GPHN: variants seen among roughly 807,000 people sequenced by gnomAD.
The protein encoded by GPHN is gephyrin.
GPHN carries 17 observed loss-of-function variants against 95.5 expected under a neutral mutation model. The ratio of observed to expected loss-of-function variants is 0.18; its 90% CI spans 0.12 to 0.27. The LOEUF (loss-of-function observed/expected upper bound fraction) is 0.27, where lower values mean the gene tolerates loss of function less well. Among genes scored for constraint, GPHN ranks in the 10% least tolerant of loss-of-function variants. The pLI, the probability that GPHN is intolerant of heterozygous loss-of-function variation, is 1.00. For missense variants in GPHN, 660 were observed against 978.1 expected, an observed-to-expected ratio of 0.67 and a Z score of 4.34; for synonymous variants, 320 against 322.5, an observed-to-expected ratio of 0.99 and a Z score of 0.08.
intron 3 of GPHN, among the ~76,000 whole-genome samples, chr14:66,779,305 T>C (rs2059518879): frequency 6.6e-6 from 1 of 152,180 alleles, no homozygotes; most frequent in Admixed American, 6.5e-5. Flanking sequence ...ATTTTTCATA[T>C]GAGGAAATTG....
chr14:67,408,430 G>C, the GPHN span, among the ~76,000 whole-genome samples: 2 of 152,114 alleles, frequency 1.3e-5, no homozygotes, highest in Non-Finnish European at 2.9e-5. Context: ...ATACACTGAA[G>C]TCCTAACCTC....
At chr14:66,713,634 T>C (rs2069881577) in intron 2 of GPHN, among the ~76,000 whole-genome samples, 1 of 152,208 alleles carries the variant, frequency 6.6e-6, no homozygotes, top group Non-Finnish European at 1.5e-5. Flanking sequence ...TGGTTTCATA[T>C]GAATGTTAGA....
chr14:67,388,215 G>C, the GPHN span: 38 of 1,599,920 alleles, frequency 2.4e-5, no homozygotes, highest in African/African-American at 4.3e-4. Flanking sequence ...GGCTGAAGTT[G>C]TACCTTACCA....
the GPHN span, among the ~76,000 whole-genome samples, chr14:67,611,433 T>C: frequency 2.0e-5 from 3 of 151,830 alleles, no homozygotes; most frequent in Admixed American, 2.0e-4. Flanking sequence ...TTTTGGTTTT[T>C]TTTTTGTATT....
chr14:66,915,817 C>T (rs2065869069), intron 5 of GPHN, among the ~76,000 whole-genome samples, 186 bp from the exon 6 acceptor site: 1 of 152,080 alleles, frequency 6.6e-6, no homozygotes, highest in Admixed American at 6.6e-5. Context: ...CCATACTAAC[C>T]ATAATGTAAA....
chr14:66,908,113 T>G (rs2065475768), intron 5 of GPHN, among the ~76,000 whole-genome samples: 1 of 152,108 alleles, frequency 6.6e-6, no homozygotes, highest in African/African-American at 2.4e-5. Context: ...CATATCAATA[T>G]GAAATGATAT....
chr14:67,354,361 C>T, the GPHN span, among the ~76,000 whole-genome samples: 1 of 152,010 alleles, frequency 6.6e-6, no homozygotes, highest in East Asian at 1.9e-4. Context: ...TTTTAGTTTC[C>T]ACTGGAGGTA....
intron 3 of GPHN, among the ~76,000 whole-genome samples, chr14:66,820,654 T>C (rs1219140750): frequency 6.6e-6 from 1 of 152,150 alleles, no homozygotes; most frequent in African/African-American, 2.4e-5. Context: ...TGAGAATTTT[T>C]AAGATTTTGA....
At chr14:66,531,639 T>G (rs1019931571) in intron 1 of GPHN, among the ~76,000 whole-genome samples, 1 of 152,146 alleles carries the variant, frequency 6.6e-6, no homozygotes, top group Non-Finnish European at 1.5e-5. Flanking sequence ...TGTCTATGAG[T>G]GATATATTGG....
At chr14:67,444,442 T>A in the GPHN span, among the ~76,000 whole-genome samples, 2 of 152,160 alleles carry the variant, frequency 1.3e-5, no homozygotes, top group Non-Finnish European at 2.9e-5. Context: ...GCTATAATCA[T>A]CCCAGCCAAT....
the GPHN span, chr14:67,312,614 G>C: frequency 1.2e-6 from 2 of 1,613,820 alleles, no homozygotes; most frequent in East Asian, 2.2e-5. Context: ...TCAAAAAGGT[G>C]ATATACTTCA....
chr14:67,313,561 A>G, the GPHN span, among the ~76,000 whole-genome samples: 1 of 152,182 alleles, frequency 6.6e-6, no homozygotes, highest in Non-Finnish European at 1.5e-5. Flanking sequence ...AAGAAAGGAG[A>G]GCAGAACTAA....
chr14:66,712,127 A>C (rs2153422700), intron 2 of GPHN, among the ~76,000 whole-genome samples: 1 of 152,280 alleles, frequency 6.6e-6, no homozygotes, highest in Non-Finnish European at 1.5e-5. Context: ...GGCTGGGTGA[A>C]ATGGTATTTC....
At chr14:67,416,154 C>G in the GPHN span, among the ~76,000 whole-genome samples, 1 of 152,190 alleles carries the variant, frequency 6.6e-6, no homozygotes, top group African/African-American at 2.4e-5. Context: ...AGAAGCTTTG[C>G]TGATTTTAAA....
At chr14:67,080,701 C>G (rs950999162) in intron 11 of GPHN, among the ~76,000 whole-genome samples, 1 of 151,990 alleles carries the variant, frequency 6.6e-6, no homozygotes, top group African/African-American at 2.4e-5. Flanking sequence ...TTCTGGTGCA[C>G]CCATCACCCA....
At chr14:66,716,754 A>G (rs984851352) in intron 2 of GPHN, among the ~76,000 whole-genome samples, 1 of 152,144 alleles carries the variant, frequency 6.6e-6, no homozygotes, top group Non-Finnish European at 1.5e-5. Flanking sequence ...TCTGAAAAAG[A>G]TTATATCTTC....
intron 1 of GPHN, among the ~76,000 whole-genome samples, chr14:66,570,631 C>A (rs28859938): frequency 0.25 from 38,382 of 151,902 alleles, 9,770 homozygotes; most frequent in African/African-American, 0.62. Context: ...TGATATATAC[C>A]CAGAAGTGGG....
chr14:67,562,222 C>G, the GPHN span: 1 of 1,611,932 alleles, frequency 6.2e-7, no homozygotes. Context: ...AGCCGGGAAT[C>G]CAGCCTATGG....
the GPHN span, chr14:67,350,561 G>C: frequency 6.1e-6 from 9 of 1,474,472 alleles, no homozygotes; most frequent in Non-Finnish European, 8.4e-6. Context: ...GAAATTATGA[G>C]ACTGAAATCA....
Sources: allele counts gnomAD v4.1 joint callset (sites outside exome capture counted in the v4.1 genomes callset), GRCh38; gene constraint gnomAD v4.1.1; transcripts MANE v1.5; gene names NCBI Gene and HGNC (gene_info 2026-07-23, HGNC 2026-07-21).